Variants in PARD3B observed in about 807,000 individuals in gnomAD.
The protein encoded by PARD3B is par-3 family cell polarity regulator beta.
PARD3B carries 103 observed loss-of-function variants against 130.2 expected under a neutral mutation model. The observed-to-expected ratio is 0.79, with a 90% CI of 0.67 to 0.93. The LOEUF is 0.93. PARD3B is among the 40% of genes least tolerant of loss of function. The pLI is 0.00. For synonymous variants in PARD3B, 583 were observed against 553.2 expected (o/e 1.05, Z -0.76); for missense variants, 1,609 against 1,499.2 (o/e 1.07, Z -1.21).
intron 21 of PARD3B, among the ~76,000 whole-genome samples, chr2:205,548,558 G>A (rs1038577092): frequency 1.3e-5 from 2 of 152,026 alleles, no homozygotes; most frequent in Non-Finnish European, 2.9e-5. Flanking sequence ...ACACTCTCTT[G>A]TCTTCATCCT....
intron 2 of PARD3B, among the ~76,000 whole-genome samples, chr2:204,830,591 C>T (rs1308229362): frequency 1.3e-5 from 2 of 152,122 alleles, no homozygotes; most frequent in African/African-American, 4.8e-5. Context: ...TTGAACCCTG[C>T]CATTGTTACT....
At chr2:205,012,314 C>T (rs1695779779) in intron 3 of PARD3B, among the ~76,000 whole-genome samples, 5 of 152,098 alleles carry the variant, frequency 3.3e-5, no homozygotes, top group African/African-American at 1.2e-4. Flanking sequence ...CTGTATTTAG[C>T]CTGCCATTAA....
intron 22 of PARD3B, among the ~76,000 whole-genome samples, chr2:205,612,824 A>G (rs1337533744): frequency 6.6e-6 from 1 of 152,180 alleles, no homozygotes; most frequent in Non-Finnish European, 1.5e-5. Context: ...TGGGACCACA[A>G]AAGTATCTTG....
chr2:205,000,746 G>C (rs1448366401), intron 3 of PARD3B, among the ~76,000 whole-genome samples: 2 of 152,080 alleles, frequency 1.3e-5, no homozygotes. Flanking sequence ...ATTTTTTTTA[G>C]AGTTTCAAAC....
In PARD3B at chr2:205,592,390, A is replaced by G. The variant is rs1184687263; in HGVS notation, c.3261-23066A>G. 6.6e-6 allele frequency among the ~76,000 whole-genome samples: 1 copy of G among 152,152 alleles called. No individual in the cohort carries two copies. Among genetic ancestry groups the G allele is most frequent in the Non-Finnish European group, 1.5e-5 (1 of 68,018 alleles). ...ACTCAAATGAGTACCCATTTAAAGAAAAGAAAACCCCTTCTTTCCCACAAC... is the reference window on the plus strand; with the variant it reads ...ACTCAAATGAGTACCCATTTAAAGAGAAGAAAACCCCTTCTTTCCCACAAC... On this transcript the variant is annotated intron_variant, in intron 22 of 22. Transcript: ENST00000406610. This position sits in a 1 kb window ranked among gnomAD's most constrained non-coding sequence, Gnocchi z 4.5.
intron 2 of PARD3B, among the ~76,000 whole-genome samples, chr2:204,826,191 AC>A (rs1407980728): frequency 6.6e-6 from 1 of 152,148 alleles, no homozygotes; most frequent in Non-Finnish European, 1.5e-5. Context: ...AAAGGAGCTG[AC>A]CCTTATCTCT....
intron 4 of PARD3B, among the ~76,000 whole-genome samples, chr2:205,060,236 C>T (rs1483320369): frequency 6.6e-6 from 1 of 152,038 alleles, no homozygotes; most frequent in East Asian, 1.9e-4. Context: ...GTCATTTCAT[C>T]ATTTTATAGT....
rs1357021176 is a variant in PARD3B, at chr2:205,183,487, G to A, written c.1925-2277G>A. ...AGCAAGTCTTGAATGCCTGACTGCT[G>A]CCACCACTAACAAATCAATGGGCCC... is the stretch of plus-strand genomic sequence containing the variant. On this transcript the variant is annotated intron_variant, in intron 13 of 22. Transcript: ENST00000406610. This position sits in a 1 kb window ranked among gnomAD's most constrained non-coding sequence, Gnocchi z 5.2. Among the ~76,000 whole-genome samples the A allele has an allele frequency of 6.6e-6, 1 of 152,126 alleles. No individual in the cohort carries two copies. The highest frequency in any genetic ancestry group is 2.4e-5 in the African/African-American group (1 of 41,432).
intron 15 of PARD3B, among the ~76,000 whole-genome samples, chr2:205,193,612 A>T (rs2036512400): frequency 6.6e-6 from 1 of 152,222 alleles, no homozygotes; most frequent in African/African-American, 2.4e-5. Flanking sequence ...TTCCAGAGGC[A>T]TCTTTATCTC....
At position 204,793,758 on chromosome 2, in the gene PARD3B, C is replaced by T. The variant is rs554955715; in HGVS notation, c.222+107476C>T. ...TCCTGACTTCATGATCCACCCACTT[C>T]GGCCTCCCAAAGTGCTGGGATTACA... On this transcript the variant is annotated intron_variant, in intron 2 of 22. Transcript: ENST00000406610. Among the ~76,000 whole-genome samples, 8 of 152,226 alleles carry T rather than the reference C, an allele frequency of 5.3e-5. 1 individual carries two copies. Among genetic ancestry groups the T allele is most frequent in the East Asian group, 3.9e-4 (2 of 5,174 alleles).
intron 20 of PARD3B, among the ~76,000 whole-genome samples, chr2:205,498,016 A>AACACAC (rs57531393): frequency 0.27 from 38,680 of 141,814 alleles, 5,955 homozygotes; most frequent in East Asian, 0.47. Flanking sequence ...GTCTCTACTA[A>AACACAC]ACACACACAC....
rs1260020261 is a variant in PARD3B at position 205,187,529 on chromosome 2, A to G, written c.2024+1666A>G. ...TTTTAGGGCAACTGCAGTCAGAGGT[A>G]CTGAGCATCTGTGCAGGGGAGGCTA... is the stretch of plus-strand genomic sequence containing the variant. On this transcript the variant is annotated intron_variant, in intron 14 of 22. Transcript: ENST00000406610. This position sits in a 1 kb window ranked among gnomAD's most constrained non-coding sequence, Gnocchi z 4.9. Among the ~76,000 whole-genome samples, 1 of 152,162 alleles carries G rather than the reference A, an allele frequency of 6.6e-6. No individual in the cohort carries two copies. The highest frequency in any genetic ancestry group is 1.5e-5 in the Non-Finnish European group (1 of 68,020).
chr2:205,485,777 C>A (rs2049415619), intron 20 of PARD3B, among the ~76,000 whole-genome samples: 1 of 152,136 alleles, frequency 6.6e-6, no homozygotes, highest in African/African-American at 2.4e-5. Flanking sequence ...CATGTGGCCA[C>A]TCCATTTCAA....
rs1391098915 is a variant in PARD3B, at chr2:205,258,004, T to C, written c.2185+12182T>C. 8.5e-5 allele frequency among the ~76,000 whole-genome samples: 13 copies of C among 152,178 alleles called. No homozygotes were observed. The highest frequency in any genetic ancestry group is 8.5e-4 in the Admixed American group (13 of 15,278). On this transcript the variant is annotated intron_variant, in intron 16 of 22. Coordinates refer to ENST00000406610, the MANE Select transcript of PARD3B (RefSeq NM_001302769.2). This position sits in a 1 kb window ranked among gnomAD's most constrained non-coding sequence, Gnocchi z 4.9. ...CTTCAGTGCAAGAAATGTGCAAAGC[T>C]TCACCTTTTACTTACTATAAACTTC...
intron 1 of PARD3B, among the ~76,000 whole-genome samples, chr2:204,648,417 C>T (rs79634714): frequency 4.7e-5 from 7 of 149,178 alleles, no homozygotes; most frequent in African/African-American, 1.2e-4. Flanking sequence ...GTTTTTTTGC[C>T]GGTATGAATA....
intron 2 of PARD3B, among the ~76,000 whole-genome samples, chr2:204,738,201 A>G (rs757565405): frequency 3.3e-5 from 5 of 152,178 alleles, no homozygotes; most frequent in Non-Finnish European, 5.9e-5. Flanking sequence ...CTTCTAATCC[A>G]TGAGCATGGG....
chr2:204,776,392 G>A (rs1296315598), intron 2 of PARD3B, among the ~76,000 whole-genome samples: 1 of 152,068 alleles, frequency 6.6e-6, no homozygotes, highest in East Asian at 1.9e-4. Flanking sequence ...TGGCCTCAGA[G>A]GTGAGGTAAT....
At chr2:205,046,244 CTCT>C (rs1291362817) in intron 3 of PARD3B, among the ~76,000 whole-genome samples, 2 of 151,444 alleles carry the variant, frequency 1.3e-5, no homozygotes, top group East Asian at 3.9e-4. Context: ...CTTGCTTCTA[CTCT>C]TCTTGTTTTT....
At chr2:205,135,761 C>G (rs1192234894) in intron 10 of PARD3B, among the ~76,000 whole-genome samples, 1 of 152,024 alleles carries the variant, frequency 6.6e-6, no homozygotes, top group African/African-American at 2.4e-5. Context: ...GATAGGTGCC[C>G]TTTTACTGAA....
Sources: allele counts gnomAD v4.1 joint callset (sites outside exome capture counted in the v4.1 genomes callset), GRCh38; gene constraint gnomAD v4.1.1; non-coding constraint Gnocchi (gnomAD v3.1); transcripts MANE v1.5; gene names NCBI Gene and HGNC (gene_info 2026-07-23, HGNC 2026-07-21).